The following ZNF569 variants were observed in gnomAD, a reference collection of about 807,000 sequenced individuals.
ZNF569 encodes the protein zinc finger protein 569, also known as DNA-binding protein.
ZNF569 carries 38 observed loss-of-function variants against 56.3 expected under a neutral mutation model. The ratio of observed to expected loss-of-function variants is 0.68; its 90% CI spans 0.52 to 0.88. The LOEUF is 0.88. Ranked by LOEUF, ZNF569 falls within the 40% of genes least tolerant of loss-of-function variation. ZNF569 has a pLI of 0.00. For missense variants in ZNF569, 666 were observed against 809.2 expected (o/e 0.82, Z 2.15); for synonymous variants, 241 against 262.9 (o/e 0.92, Z 0.81).
Position 37,412,881 on chromosome 19 carries a change from G to A in ZNF569, c.1777C>T (p.Leu593Phe), listed in dbSNP as rs1282770985. The change falls in exon 6 of 6, where the codon CTT (leucine) becomes TTT (phenylalanine). Residue 593 changes from leucine to phenylalanine, a missense_variant. By Grantham distance (22) the Leu-to-Phe change is conservative (BLOSUM62 0). Transcript: ENST00000316950. ...GTATGGCCTCTCATGTGCACAATAAGGGAAGTTCTTTGAGAGAAGGCTTTC... is the reference window on the plus strand; with the variant it reads ...GTATGGCCTCTCATGTGCACAATAAAGGAAGTTCTTTGAGAGAAGGCTTTC... ...CGKAFSQRTSLIVHMRGHTGE... is the reference protein window; with the variant it reads ...CGKAFSQRTSFIVHMRGHTGE... 6.2e-7 allele frequency: 1 copy of A among 1,613,998 alleles called. No homozygotes were observed. The highest frequency in any genetic ancestry group is 8.5e-7 in the Non-Finnish European group (1 of 1,179,950).
intron 3 of ZNF569, among the ~76,000 whole-genome samples, chr19:37,432,390 G>A (rs1314212332): frequency 6.6e-6 from 1 of 152,204 alleles, no homozygotes; most frequent in Admixed American, 6.5e-5. Context: ...GAATTCTTCT[G>A]GATCTTATCT....
intron 2 of ZNF569, among the ~76,000 whole-genome samples, chr19:37,451,142 G>A (rs979207791): frequency 1.3e-5 from 2 of 151,354 alleles, no homozygotes; most frequent in Non-Finnish European, 3.0e-5. Context: ...GCTCATGCCT[G>A]TAATCCCAGC....
At chr19:37,457,581 G>A (rs546291827) in intron 2 of ZNF569, among the ~76,000 whole-genome samples, 7 of 151,594 alleles carry the variant, frequency 4.6e-5, no homozygotes, top group African/African-American at 1.5e-4. Flanking sequence ...GCAAACTATC[G>A]CAAGGACAGA....
At chr19:37,460,317 AT>A (rs1250190631) in intron 2 of ZNF569, among the ~76,000 whole-genome samples, 9 of 152,074 alleles carry the variant, frequency 5.9e-5, no homozygotes, top group Non-Finnish European at 1.3e-4. Context: ...TAATTTTTGT[AT>A]TTTTAGTAGA....
chr19:37,430,526 C>T lies in ZNF569; in HGVS notation c.16-4148G>A, dbSNP rs73631052. 7.9e-3 allele frequency among the ~76,000 whole-genome samples: 1,209 copies of T among 152,118 alleles called. 18 individuals are homozygous for T. Among genetic ancestry groups the T allele is most frequent in the African/African-American group, 0.028 (1,170 of 41,484 alleles). On this transcript the variant is annotated intron_variant, in intron 3 of 5. Coordinates refer to ENST00000316950, the MANE Select transcript of ZNF569 (RefSeq NM_152484.3). The stretch of plus-strand genomic sequence containing the variant: ...CCACAATAAAACTAATAGCTGACTT[C>T]TCATCAAACACAATGGAGGACAAAT...
At chr19:37,416,180 C>T (rs1288950469) in intron 5 of ZNF569, among the ~76,000 whole-genome samples, 1 of 150,494 alleles carries the variant, frequency 6.6e-6, no homozygotes, top group Non-Finnish European at 1.5e-5. Flanking sequence ...TTGCAGTGAG[C>T]AGAGATCACC....
At chr19:37,426,787 A>G (rs1345039109) in intron 3 of ZNF569, among the ~76,000 whole-genome samples, 2 of 152,188 alleles carry the variant, frequency 1.3e-5, no homozygotes, top group South Asian at 2.1e-4. Context: ...AGTTGGATGT[A>G]TTGTTCATGA....
rs1264478023 is a variant in ZNF569, at chr19:37,411,594, T to C, written c.*1003A>G. On this transcript the variant is annotated 3_prime_UTR_variant, in exon 6 of 6. Coordinates refer to ENST00000316950, the MANE Select transcript of ZNF569 (RefSeq NM_152484.3). ...TTCAACAGACTATTCCATGTTTACATGTTTTTTAAAGAAATCTTGTTACCC... is the reference window on the plus strand; with the variant it reads ...TTCAACAGACTATTCCATGTTTACACGTTTTTTAAAGAAATCTTGTTACCC... 2.0e-5 allele frequency: 3 copies of C among 152,178 alleles called. No homozygotes were observed. Among genetic ancestry groups the C allele is most frequent in the African/African-American group, 7.2e-5 (3 of 41,456 alleles). 9.4% of individuals were successfully genotyped at this position (152,178 alleles called of 1,614,324 possible). A position where few individuals can be genotyped will look rare whatever the true frequency, so the allele number is the denominator to read the frequency against.
chr19:37,458,691 T>C (rs1223548476), intron 2 of ZNF569, among the ~76,000 whole-genome samples: 2 of 152,226 alleles, frequency 1.3e-5, no homozygotes, highest in Non-Finnish European at 2.9e-5. Context: ...TGATGTTTCA[T>C]GGCCCAGCAC....
At position 37,411,515 on chromosome 19, in the gene ZNF569, A is replaced by C. The variant is rs562426759; in HGVS notation, c.*1082T>G. 6.6e-6 allele frequency: 1 copy of C among 152,278 alleles called. No homozygotes were observed. The highest frequency in any genetic ancestry group is 1.5e-5 in the Non-Finnish European group (1 of 67,982). 9.4% of individuals were successfully genotyped at this position (152,278 alleles called of 1,614,324 possible). A position where few individuals can be genotyped will look rare whatever the true frequency, so the allele number is the denominator to read the frequency against. ...CAAACCATGATTCAGGAACACAGTG[A>C]TATATATCTCTTTGTGTACATTTGT... is the stretch of plus-strand genomic sequence containing the variant. On this transcript the variant is annotated 3_prime_UTR_variant, in exon 6 of 6. Coordinates refer to ENST00000316950, the MANE Select transcript of ZNF569 (RefSeq NM_152484.3).
chr19:37,454,898 G>A (rs755205646), intron 2 of ZNF569: 2 of 701,886 alleles, frequency 2.8e-6, no homozygotes, highest in South Asian at 3.0e-5. Context: ...GTTTCTCTCA[G>A]CTGGCATCTT....
At chr19:37,446,582 A>T (rs1211519566) in intron 2 of ZNF569, among the ~76,000 whole-genome samples, 1 of 150,042 alleles carries the variant, frequency 6.7e-6, no homozygotes, top group African/African-American at 2.5e-5. Context: ...ATGAAACTGG[A>T]TCCTTATCTC....
At chr19:37,417,262 A>AT (rs1354878803) in intron 5 of ZNF569, among the ~76,000 whole-genome samples, 16 of 151,882 alleles carry the variant, frequency 1.1e-4, no homozygotes, top group East Asian at 1.9e-4. Context: ...GAGAATAGTT[A>AT]TTTTTTTTAT....
chr19:37,414,006 T>TA lies in ZNF569; in HGVS notation c.651dup (p.Asn218Ter). The TA allele has an allele frequency of 1.2e-6, 2 of 1,613,460 alleles. No homozygotes were observed. The highest frequency in any genetic ancestry group is 2.2e-5 in the East Asian group (1 of 44,840). ...TTGTGACTGAAGGCTTTTCTACAGTTACTACATTCATAGGGCTTCTCTCCA... is the reference window on the plus strand; with the variant it reads ...TTGTGACTGAAGGCTTTTCTACAGTTAACTACATTCATAGGGCTTCTCTCCA... On this transcript the variant is annotated frameshift_variant, in exon 6 of 6. Coordinates refer to ENST00000316950, the MANE Select transcript of ZNF569 (RefSeq NM_152484.3). LOFTEE classifies it high-confidence loss of function.
In ZNF569 at chr19:37,412,507, G is replaced by T; in HGVS notation, c.*90C>A. On this transcript the variant is annotated 3_prime_UTR_variant, in exon 6 of 6. Coordinates refer to ENST00000316950, the MANE Select transcript of ZNF569 (RefSeq NM_152484.3). ...TTCAGAAGGCTATCCCACATTCATA[G>T]TTTTCTACTCTGGAAGTGATCATGT... 7.0e-7 allele frequency: 1 copy of T among 1,430,170 alleles called. No homozygotes were observed. Among genetic ancestry groups the T allele is most frequent in the Non-Finnish European group, 9.2e-7 (1 of 1,092,080 alleles). 88.6% of individuals were successfully genotyped at this position (1,430,170 alleles called of 1,614,324 possible). A position where few individuals can be genotyped will look rare whatever the true frequency, so the allele number is the denominator to read the frequency against.
At chr19:37,468,783 G>A (rs1737624325), upstream of ZNF569, among the ~76,000 whole-genome samples, 1 of 152,234 alleles carries the variant, frequency 6.6e-6, no homozygotes, top group African/African-American at 2.4e-5. Flanking sequence ...TGGGATTACA[G>A]GCGTGAGCCA....
intron 5 of ZNF569, among the ~76,000 whole-genome samples, chr19:37,417,528 C>T (rs1230901808): frequency 1.3e-5 from 2 of 152,174 alleles, no homozygotes; most frequent in African/African-American, 4.8e-5. Context: ...GGATTACAGG[C>T]GTGGGCCACC....
chr19:37,433,834 C>G (rs2146911101), intron 3 of ZNF569, among the ~76,000 whole-genome samples: 1 of 152,260 alleles, frequency 6.6e-6, no homozygotes, highest in East Asian at 1.9e-4. Flanking sequence ...AACACCAGAC[C>G]TGTCCTACAA....
In ZNF569 at chr19:37,413,634, C is replaced by T. The variant is rs1168559342; in HGVS notation, c.1024G>A (p.Ala342Thr). 3.1e-6 allele frequency: 5 copies of T among 1,613,348 alleles called. No individual in the cohort carries two copies. In the African/African-American group the frequency reaches 6.7e-5, roughly 22 times the overall value. The change falls in exon 6 of 6, where the codon GCT (alanine) becomes ACT (threonine). Residue 342 changes from alanine to threonine, a missense_variant. Ala to Thr is a moderately conservative substitution (Grantham distance 58). Transcript: ENST00000316950. ...GKAFPRIASL[A>T]LHMRSHTGEK... ...CCTGTATGACTTCTCATATGAAGAGCAAGGGATGCAATTCGAGGGAAGGCT... is the reference window on the plus strand; with the variant it reads ...CCTGTATGACTTCTCATATGAAGAGTAAGGGATGCAATTCGAGGGAAGGCT...
Sources: allele counts gnomAD v4.1 joint callset (sites outside exome capture counted in the v4.1 genomes callset), GRCh38; gene constraint gnomAD v4.1.1; transcripts MANE v1.5; gene names NCBI Gene and HGNC (gene_info 2026-07-23, HGNC 2026-07-21).